OSBPL9: variants seen among roughly 807,000 people sequenced by gnomAD.
OSBPL9 encodes oxysterol-binding protein-related protein 9.
OSBPL9 carries 40 observed loss-of-function variants against 106.6 expected under a neutral mutation model. The observed-to-expected ratio is 0.38, with a 90% CI of 0.29 to 0.49. The LOEUF is 0.49. OSBPL9 is among the 20% of genes least tolerant of loss of function. The probability of loss-of-function intolerance (pLI) is 0.97; values close to 1 mark genes in which losing one functional copy is unlikely to be tolerated. For synonymous variants in OSBPL9, 269 were observed against 295.4 expected (o/e 0.91, Z 0.92); for missense variants, 609 against 887.2 (o/e 0.69, Z 3.98).
rs984979357 is a variant in OSBPL9 at position 51,741,761 on chromosome 1, T to G, written c.319-3775T>G. Among the ~76,000 whole-genome samples the G allele has an allele frequency of 1.1e-4, 17 of 152,324 alleles. 1 individual carries two copies. The highest frequency in any genetic ancestry group is 4.1e-4 in the South Asian group (2 of 4,832). On this transcript the variant is annotated intron_variant, in intron 4 of 23. Transcript: ENST00000428468. ...ATTGAGATTCTTCTAATTTAATTTC[T>G]TGTTACATCACAGACCATTTTGTCT... is the stretch of plus-strand genomic sequence containing the variant.
the OSBPL9 span, among the ~76,000 whole-genome samples, chr1:51,525,326 G>C: frequency 6.6e-6 from 1 of 152,182 alleles, no homozygotes; most frequent in Admixed American, 6.5e-5. Context: ...AGAGAGCCTG[G>C]TTCAGTATCT....
At chr1:51,537,346 A>C in the OSBPL9 span, among the ~76,000 whole-genome samples, 9 of 152,066 alleles carry the variant, frequency 5.9e-5, no homozygotes, top group Admixed American at 4.6e-4. Context: ...TGGCATAATA[A>C]GATGTTCCAG....
At chr1:51,760,658 A>T in intron 9 of OSBPL9, 32 bp from the exon 10 acceptor site, 2 of 1,612,762 alleles carry the variant, frequency 1.2e-6, no homozygotes, top group South Asian at 1.1e-5. Context: ...GCATTTAATT[A>T]AAAATAGCTA....
At chr1:51,618,407 G>C (rs984327782) in intron 1 of OSBPL9, among the ~76,000 whole-genome samples, 2 of 152,112 alleles carry the variant, frequency 1.3e-5, no homozygotes, top group African/African-American at 4.8e-5. Flanking sequence ...TACTTAGAAA[G>C]GTACTTTCTC....
chr1:51,657,608 A>G (rs140049568), intron 2 of OSBPL9, among the ~76,000 whole-genome samples: 10 of 152,322 alleles, frequency 6.6e-5, no homozygotes, highest in African/African-American at 2.4e-4. Flanking sequence ...GTGTCAAACC[A>G]GTGGAGGAAA....
chr1:51,680,746 G>A (rs973290847), intron 3 of OSBPL9, among the ~76,000 whole-genome samples: 2 of 151,898 alleles, frequency 1.3e-5, no homozygotes, highest in African/African-American at 4.8e-5. Flanking sequence ...CATCTGTATT[G>A]TACACATTTT....
chr1:51,733,907 T>A (rs1416358875), intron 4 of OSBPL9, among the ~76,000 whole-genome samples: 1 of 152,140 alleles, frequency 6.6e-6, no homozygotes, highest in African/African-American at 2.4e-5. Context: ...GGAGTATTGT[T>A]AGTATCATAG....
In OSBPL9 at chr1:51,765,692, A is replaced by C. The variant is rs149379719; in HGVS notation, c.779-130A>C. On this transcript the variant is annotated intron_variant, in intron 11 of 23. Transcript: ENST00000428468. The stretch of plus-strand genomic sequence containing the variant: ...GAGTTTAAATGTTGATTTTCTTTAT[A>C]AATACTGTAGCGACTTTTACAAACT... The C allele has an allele frequency of 5.3e-6, 4 of 756,450 alleles. No homozygotes were observed. The African/African-American group carries it at 7.2e-5, about 14-fold the overall frequency. 46.9% of individuals were successfully genotyped at this position (756,450 alleles called of 1,614,324 possible).
the OSBPL9 span, chr1:51,519,099 C>CT: frequency 1.3e-6 from 1 of 797,338 alleles, no homozygotes; most frequent in South Asian, 2.3e-5. Flanking sequence ...AGCCAAGAAG[C>CT]TGCCTGCTTG....
chr1:51,771,072 A>G (rs759106399), intron 12 of OSBPL9, among the ~76,000 whole-genome samples: 1 of 152,158 alleles, frequency 6.6e-6, no homozygotes, highest in Non-Finnish European at 1.5e-5. Context: ...CAGGGAATGT[A>G]TGCATGCTGT....
chr1:51,787,482 G>A lies in OSBPL9; in HGVS notation c.2130G>A (p.Glu710=), dbSNP rs61783360. The part of the protein sequence containing the change: ...RERKEKEIQW[E]TRLFHEDGEC... ...GGAAGGAGAAGGAAATTCAGTGGGA[G>A]ACAAGGGTAAGCTTGCCTGCCCCAC... The change falls in exon 23 of 24, where the codon GAG becomes GAA. Residue 710 remains glutamate (E), a synonymous_variant. Transcript: ENST00000428468. The A allele has an allele frequency of 6.2e-7, 1 of 1,613,964 alleles. No homozygotes were observed. Among genetic ancestry groups the A allele is most frequent in the Admixed American group, 1.7e-5 (1 of 60,010 alleles).
the OSBPL9 span, among the ~76,000 whole-genome samples, chr1:51,519,030 G>A: frequency 2.0e-4 from 30 of 151,440 alleles, no homozygotes; most frequent in Admixed American, 5.9e-4. Context: ...CGGCTCCGGA[G>A]GGCGCCCTCC....
intron 12 of OSBPL9, among the ~76,000 whole-genome samples, chr1:51,769,222 A>G (rs1336979186): frequency 6.6e-6 from 1 of 151,962 alleles, no homozygotes; most frequent in African/African-American, 2.4e-5. Flanking sequence ...ATTTCTTTTT[A>G]CTATTTTTTG....
the OSBPL9 span, chr1:51,538,741 ATTC>A: frequency 1.3e-5 from 2 of 151,948 alleles, no homozygotes; most frequent in Non-Finnish European, 2.9e-5. Context: ...CCTCTAATTC[ATTC>A]TTCAACTTAT....
At chr1:51,651,840 T>G in intron 1 of OSBPL9, 151 bp from the exon 2 acceptor site, 1 of 612,988 alleles carries the variant, frequency 1.6e-6, no homozygotes. Context: ...CTGTTTATTT[T>G]CCTATCCATA....
chr1:51,630,596 A>G (rs550862689), intron 1 of OSBPL9, among the ~76,000 whole-genome samples: 6 of 152,332 alleles, frequency 3.9e-5, no homozygotes, highest in Admixed American at 3.9e-4. Flanking sequence ...CTGATGAGTC[A>G]AAGAGTGAGT....
chr1:51,598,446 G>A (rs1570537870), intron 2 of OSBPL9, among the ~76,000 whole-genome samples: 2 of 152,254 alleles, frequency 1.3e-5, no homozygotes, highest in South Asian at 4.1e-4. Flanking sequence ...ATAATTCTGT[G>A]TGTGGTGGTA....
At chr1:51,636,694 C>T (rs1325216275) in intron 1 of OSBPL9, among the ~76,000 whole-genome samples, 1 of 151,976 alleles carries the variant, frequency 6.6e-6, no homozygotes, top group African/African-American at 2.4e-5. Context: ...TCATGCCTGT[C>T]ATCTTAGCAT....
intron 4 of OSBPL9, among the ~76,000 whole-genome samples, chr1:51,727,298 TG>T (rs1280588232): frequency 1.3e-5 from 2 of 152,334 alleles, no homozygotes; most frequent in East Asian, 3.9e-4. Flanking sequence ...GCAAAATTGA[TG>T]TTTTTTTTCC....
Sources: allele counts gnomAD v4.1 joint callset (sites outside exome capture counted in the v4.1 genomes callset), GRCh38; gene constraint gnomAD v4.1.1; transcripts MANE v1.5; gene names NCBI Gene and HGNC (gene_info 2026-07-23, HGNC 2026-07-21).